The following AGAP1 variants were observed in gnomAD, a reference collection of about 807,000 sequenced individuals.
AGAP1 encodes the protein arf-GAP with GTPase, ANK repeat and PH domain-containing protein 1.
In AGAP1, 29 loss-of-function variants were observed where a neutral mutation model predicts 105.3. The ratio of observed to expected loss-of-function variants is 0.28; its 90% confidence interval spans 0.21 to 0.38. The LOEUF is 0.38. AGAP1 is among the 10% of genes least tolerant of loss of function. AGAP1 has a pLI of 1.00. For synonymous variants in AGAP1, 509 were observed against 485.9 expected, an observed-to-expected ratio of 1.05 and a Z score of -0.63; for missense variants, 998 against 1,165.1, an observed-to-expected ratio of 0.86 and a Z score of 2.09.
chr2:235,849,257 C>T (rs1339967151), intron 9 of AGAP1, among the ~76,000 whole-genome samples: 3 of 152,188 alleles, frequency 2.0e-5, no homozygotes, highest in Admixed American at 6.5e-5. Flanking sequence ...AGGTCCAACT[C>T]GTGAAGGATT....
intron 1 of AGAP1, among the ~76,000 whole-genome samples, chr2:235,560,647 G>C (rs1185046723): frequency 3.3e-5 from 5 of 152,202 alleles, no homozygotes; most frequent in African/African-American, 1.2e-4. Context: ...GAGGCTACCA[G>C]CCAAAGAATG....
chr2:235,498,650 C>G (rs895493941), intron 1 of AGAP1, among the ~76,000 whole-genome samples: 1 of 152,202 alleles, frequency 6.6e-6, no homozygotes, highest in East Asian at 1.9e-4. Context: ...AGTCACACAT[C>G]GTAATTCAGC....
rs1226128218 is a variant in AGAP1 at position 236,073,197 on chromosome 2, A to AT, written c.2114+23917dup. Among the ~76,000 whole-genome samples the AT allele has an allele frequency of 6.6e-6, 1 of 151,792 alleles. No individual in the cohort carries two copies. The highest frequency in any genetic ancestry group is 2.4e-5 in the African/African-American group (1 of 41,344). On this transcript the variant is annotated intron_variant, in intron 16 of 17. Coordinates refer to ENST00000304032, the MANE Select transcript of AGAP1 (RefSeq NM_001037131.3). The surrounding 1 kb of genome is among the most constrained non-coding windows in gnomAD (Gnocchi z 5.4). ...TTTTTAGTAGAGACGGGGTTTCTCC[A>AT]TATTGGCCAGGCTGGTCTCGAACTC... is the stretch of plus-strand genomic sequence containing the variant.
At chr2:236,013,922 C>A (rs2056605537) in intron 13 of AGAP1, among the ~76,000 whole-genome samples, 1 of 152,062 alleles carries the variant, frequency 6.6e-6, no homozygotes, top group African/African-American at 2.4e-5. Flanking sequence ...TCTTCCCTGC[C>A]ACAGATGTCA....
chr2:235,588,415 G>A (rs1458542312), intron 1 of AGAP1, among the ~76,000 whole-genome samples: 6 of 151,832 alleles, frequency 4.0e-5, no homozygotes, highest in East Asian at 1.9e-4. Flanking sequence ...TAATGCCAAC[G>A]CACCGTCACC....
intron 1 of AGAP1, among the ~76,000 whole-genome samples, chr2:235,532,118 T>C (rs1943064118): frequency 6.6e-6 from 1 of 152,260 alleles, no homozygotes; most frequent in African/African-American, 2.4e-5. Context: ...TATGCAAATA[T>C]GGAAAACTAT....
At chr2:236,098,457 C>A (rs887668916) in intron 16 of AGAP1, among the ~76,000 whole-genome samples, 1 of 151,896 alleles carries the variant, frequency 6.6e-6, no homozygotes, top group South Asian at 2.1e-4. Context: ...GTAATCCCAG[C>A]TACCAGGGAG....
At chr2:235,534,860 A>G (rs1943159861) in intron 1 of AGAP1, among the ~76,000 whole-genome samples, 1 of 152,152 alleles carries the variant, frequency 6.6e-6, no homozygotes, top group Non-Finnish European at 1.5e-5. Context: ...CTGTCAGGGT[A>G]TCTCGTTGTA....
chr2:235,826,543 A>G (rs970481974), intron 9 of AGAP1, among the ~76,000 whole-genome samples: 2 of 151,224 alleles, frequency 1.3e-5, no homozygotes, highest in South Asian at 4.2e-4. Context: ...TCCACCTCCC[A>G]GGTTCAAGTG....
rs2054856282 is a variant in AGAP1, at chr2:235,976,348, C to A, written c.1645+7725C>A. 1.3e-5 allele frequency among the ~76,000 whole-genome samples: 2 copies of A among 152,106 alleles called. No homozygotes were observed. The highest frequency in any genetic ancestry group is 4.8e-5 in the African/African-American group (2 of 41,420). ...GATTGGGCACAGTTGACTCAAAAGC[C>A]ATCCTGCAGGGTACAGTCCGGCCGC... is the stretch of plus-strand genomic sequence containing the variant. On this transcript the variant is annotated intron_variant, in intron 13 of 17. Transcript: ENST00000304032. The surrounding 1 kb of genome is among the most constrained non-coding windows in gnomAD (Gnocchi z 4.5).
At position 235,889,140 on chromosome 2, in the gene AGAP1, C is replaced by T. The variant is rs10180355; in HGVS notation, c.1155+5691C>T. ...TCCCAGACAGATGTTTTCCACACAT[C>T]GGTGTGTTCGAAAATAAACCCAGCT... On this transcript the variant is annotated intron_variant, in intron 10 of 17. Transcript: ENST00000304032. This position sits in a 1 kb window ranked among gnomAD's most constrained non-coding sequence, Gnocchi z 4.6. Among the ~76,000 whole-genome samples the T allele has an allele frequency of 9.8e-3, 1,492 of 152,298 alleles. 25 individuals carry two copies. The highest frequency in any genetic ancestry group is 0.035 in the African/African-American group (1,442 of 41,562).
At chr2:235,922,691 C>A (rs1206201675) in intron 11 of AGAP1, among the ~76,000 whole-genome samples, 1 of 152,160 alleles carries the variant, frequency 6.6e-6, no homozygotes, top group East Asian at 1.9e-4. Context: ...AAGAGGGATT[C>A]TGTCTTTGAT....
intron 9 of AGAP1, among the ~76,000 whole-genome samples, chr2:235,814,787 C>T (rs550231537): frequency 2.0e-5 from 3 of 152,200 alleles, no homozygotes; most frequent in East Asian, 3.9e-4. Context: ...AGCAGAGCTG[C>T]GGATGGAGGG....
intron 9 of AGAP1, among the ~76,000 whole-genome samples, chr2:235,821,027 C>T (rs929200077): frequency 7.9e-5 from 12 of 152,268 alleles, no homozygotes; most frequent in African/African-American, 2.6e-4. Flanking sequence ...TTCACTTTGT[C>T]CCAGTGATCT....
At position 236,020,607 on chromosome 2, in the gene AGAP1, C is replaced by G; in HGVS notation, c.1646-15954C>G. ...TCTCTGTTCTTTTCTTCCTCGCATG[C>G]AGACAATAAAACCTACCTTGAAGGG... On this transcript the variant is annotated intron_variant, in intron 13 of 17. Transcript: ENST00000304032. The surrounding 1 kb of genome is among the most constrained non-coding windows in gnomAD (Gnocchi z 5.0). 6.6e-6 allele frequency among the ~76,000 whole-genome samples: 1 copy of G among 152,152 alleles called. No individual in the cohort carries two copies. Among genetic ancestry groups the G allele is most frequent in the Non-Finnish European group, 1.5e-5 (1 of 68,038 alleles).
At chr2:236,021,376 G>A (rs1012094841) in intron 13 of AGAP1, among the ~76,000 whole-genome samples, 1 of 152,034 alleles carries the variant, frequency 6.6e-6, no homozygotes, top group African/African-American at 2.4e-5. Context: ...GGAGGGTGCC[G>A]CTGAAGATTC....
chr2:236,096,595 T>G lies in AGAP1; in HGVS notation c.2115-23597T>G, dbSNP rs781243675. Among the ~76,000 whole-genome samples, 102 of 152,072 alleles carry G rather than the reference T, an allele frequency of 6.7e-4. No individual in the cohort carries two copies. Among genetic ancestry groups the G allele is most frequent in the Non-Finnish European group, 1.3e-3 (87 of 67,996 alleles). ...ATTTTTTATTTATTTTTTATTTTTT[T>G]GGGACAGAGTCTCGCTCTTGTCACC... is the stretch of plus-strand genomic sequence containing the variant. On this transcript the variant is annotated intron_variant, in intron 16 of 17. Coordinates refer to ENST00000304032, the MANE Select transcript of AGAP1 (RefSeq NM_001037131.3). The surrounding 1 kb of genome is among the most constrained non-coding windows in gnomAD (Gnocchi z 4.4).
chr2:235,925,976 G>A (rs1467586995), intron 11 of AGAP1, among the ~76,000 whole-genome samples: 1 of 152,160 alleles, frequency 6.6e-6, no homozygotes, highest in African/African-American at 2.4e-5. Flanking sequence ...TTGCCCTCGA[G>A]TACTTTGAGT....
chr2:235,915,341 C>T (rs2317016), intron 11 of AGAP1, among the ~76,000 whole-genome samples: 117,953 of 152,106 alleles, frequency 0.78, 45,846 homozygotes, highest in East Asian at 0.98. Context: ...GGATTTAATA[C>T]GTTAGTTATT....
Sources: allele counts gnomAD v4.1 joint callset (sites outside exome capture counted in the v4.1 genomes callset), GRCh38; gene constraint gnomAD v4.1.1; non-coding constraint Gnocchi (gnomAD v3.1); transcripts MANE v1.5; gene names NCBI Gene and HGNC (gene_info 2026-07-23, HGNC 2026-07-21).